Variants in ANKS1B observed in about 807,000 individuals in gnomAD.
The protein encoded by ANKS1B is ankyrin repeat and sterile alpha motif domain-containing protein 1B.
ANKS1B carries 36 observed loss-of-function variants against 148.3 expected under a neutral mutation model. The observed-to-expected ratio is 0.24, with a 90% confidence interval of 0.19 to 0.32. The LOEUF (loss-of-function observed/expected upper bound fraction) is 0.32, where lower values mean the gene tolerates loss of function less well. ANKS1B is among the 10% of genes least tolerant of loss of function. The pLI, the probability that ANKS1B is intolerant of heterozygous loss-of-function variation, is 1.00. For synonymous variants in ANKS1B, 542 were observed against 560.8 expected, an observed-to-expected ratio of 0.97 and a Z score of 0.47; for missense variants, 1,157 against 1,542.6, an observed-to-expected ratio of 0.75 and a Z score of 4.19.
chr12:98,794,492 T>G, intron 22 of ANKS1B: 2 of 468,466 alleles, frequency 4.3e-6, no homozygotes, highest in South Asian at 4.0e-5. Context: ...AACATGTGTA[T>G]CAAGAAGTGT....
intron 1 of ANKS1B, among the ~76,000 whole-genome samples, chr12:99,905,464 CCTT>C (rs1391171955): frequency 6.6e-6 from 1 of 152,212 alleles, no homozygotes; most frequent in Non-Finnish European, 1.5e-5. Context: ...TTCCTCACCT[CCTT>C]CTTCTCTTCC....
chr12:99,661,149 T>C (rs531156563), intron 8 of ANKS1B, among the ~76,000 whole-genome samples: 1 of 152,108 alleles, frequency 6.6e-6, no homozygotes. Flanking sequence ...CACAAACAAG[T>C]TTTATTGAGG....
At chr12:99,231,651 A>AT (rs907603458) in intron 14 of ANKS1B, among the ~76,000 whole-genome samples, 9 of 143,218 alleles carry the variant, frequency 6.3e-5, no homozygotes, top group Non-Finnish European at 1.4e-4. Flanking sequence ...TTGTAAATAC[A>AT]TTTAAAAAAA....
Position 98,744,086 on chromosome 12 carries a change from G to A in ANKS1B, c.*1653C>T. 1 of 984,782 alleles carries A rather than the reference G, an allele frequency of 1.0e-6. No homozygotes were observed. Among genetic ancestry groups the A allele is most frequent in the Non-Finnish European group, 1.2e-6 (1 of 829,076 alleles). The allele number at this position is 984,782 out of a possible 1,614,324, so 61.0% of individuals were successfully genotyped here. A position where few individuals can be genotyped will look rare whatever the true frequency, so the allele number is the denominator to read the frequency against. On this transcript the variant is annotated 3_prime_UTR_variant, in exon 27 of 27. Coordinates refer to ENST00000683438, the MANE Select transcript of ANKS1B (RefSeq NM_001352186.2). ...CAAGCTTATTTACACATATGCTTCT[G>A]TTTCAGCAAAGCTCCTATTAACTTT...
At chr12:99,627,021 T>A (rs761605911) in intron 9 of ANKS1B, among the ~76,000 whole-genome samples, 7 of 152,128 alleles carry the variant, frequency 4.6e-5, no homozygotes, top group South Asian at 2.1e-4. Flanking sequence ...TCCCTTATAA[T>A]CCCTGATAAT....
chr12:99,541,232 A>C (rs57675458), intron 9 of ANKS1B, among the ~76,000 whole-genome samples: 9,061 of 152,240 alleles, frequency 0.06, 377 homozygotes, highest in East Asian at 0.24. Flanking sequence ...TTCTTTAAAA[A>C]AAACAAACAA....
chr12:99,788,198 T>C (rs2065206698), intron 4 of ANKS1B, among the ~76,000 whole-genome samples: 1 of 152,166 alleles, frequency 6.6e-6, no homozygotes, highest in South Asian at 2.1e-4. Flanking sequence ...GCAGTGCAAG[T>C]GCAATTCACA....
chr12:98,822,267 C>A (rs2099202235), intron 19 of ANKS1B, among the ~76,000 whole-genome samples: 2 of 152,074 alleles, frequency 1.3e-5, no homozygotes, highest in South Asian at 2.1e-4. Context: ...TGTTAAAAAA[C>A]CTTCTTTTTA....
intron 10 of ANKS1B, among the ~76,000 whole-genome samples, chr12:99,487,770 T>C (rs1432073778): frequency 6.6e-6 from 1 of 152,204 alleles, no homozygotes; most frequent in East Asian, 1.9e-4. Flanking sequence ...CAGGGTTTTA[T>C]GTGTGCTTGA....
chr12:99,714,038 G>A (rs1295402224), intron 8 of ANKS1B, among the ~76,000 whole-genome samples: 3 of 152,176 alleles, frequency 2.0e-5, no homozygotes, highest in Admixed American at 2.0e-4. Flanking sequence ...TGACATTTAT[G>A]AGTCTTACAT....
rs564770787 is a variant in ANKS1B at position 99,303,248 on chromosome 12, A to T, written c.1757-56384T>A. Among the ~76,000 whole-genome samples the T allele has an allele frequency of 9.1e-4, 138 of 152,270 alleles. 3 individuals carry two copies. Among genetic ancestry groups the T allele is most frequent in the African/African-American group, 3.1e-3 (130 of 41,560 alleles). On this transcript the variant is annotated intron_variant, in intron 12 of 26. Coordinates refer to ENST00000683438, the MANE Select transcript of ANKS1B (RefSeq NM_001352186.2). ...CTTGCCTTACAAATCTAAATTTATA[A>T]ACACATCATAGATGAAATGCAAGTT...
At chr12:99,559,737 T>C (rs2097313350) in intron 9 of ANKS1B, among the ~76,000 whole-genome samples, 2 of 152,180 alleles carry the variant, frequency 1.3e-5, no homozygotes, top group East Asian at 1.9e-4. Context: ...AAAAGTCAGA[T>C]ATTTCTGCAA....
At chr12:99,960,274 G>T (rs574917433) in intron 1 of ANKS1B, among the ~76,000 whole-genome samples, 1 of 152,200 alleles carries the variant, frequency 6.6e-6, no homozygotes, top group Admixed American at 6.5e-5. Context: ...TTTTCTTCTG[G>T]GCTGTGACCA....
chr12:99,467,427 A>G (rs2152888164), intron 10 of ANKS1B, among the ~76,000 whole-genome samples: 1 of 152,310 alleles, frequency 6.6e-6, no homozygotes, highest in African/African-American at 2.4e-5. Flanking sequence ...TAGTGTTGGA[A>G]GTTCTGGCCA....
intron 12 of ANKS1B, among the ~76,000 whole-genome samples, chr12:99,277,399 C>G (rs771498084): frequency 6.6e-6 from 1 of 152,004 alleles, no homozygotes; most frequent in Non-Finnish European, 1.5e-5. Context: ...GGTGCCACAT[C>G]GAAAAATGGC....
At chr12:98,781,993 A>T in intron 23 of ANKS1B, 133 bp downstream of exon 23, 1 of 752,996 alleles carries the variant, frequency 1.3e-6, no homozygotes, top group Non-Finnish European at 2.2e-6. Context: ...ATCTGCAAAA[A>T]GTTTCTCTAT....
intron 10 of ANKS1B, among the ~76,000 whole-genome samples, chr12:99,476,508 T>C (rs552277979): frequency 2.8e-4 from 43 of 152,304 alleles, no homozygotes; most frequent in African/African-American, 8.2e-4. Flanking sequence ...ATAACTGTGA[T>C]CTATAAAGTG....
In ANKS1B at chr12:99,399,654, T is replaced by G; in HGVS notation, c.1733A>C (p.Lys578Thr). The G allele has an allele frequency of 1.9e-6, 3 of 1,613,342 alleles. No individual in the cohort carries two copies. The highest frequency in any genetic ancestry group is 1.7e-6 in the Non-Finnish European group (2 of 1,179,390). Residue 578 changes from lysine to threonine, a missense_variant, in exon 12 of 27, where the codon AAG becomes ACG. By Grantham distance (78) the Lys-to-Thr change is moderately conservative. Around this residue, in one of 6 missense-constraint regions of ANKS1B, gnomAD observed 661 missense variants for 642.1 expected, o/e 1.03. Coordinates refer to ENST00000683438, the MANE Select transcript of ANKS1B (RefSeq NM_001352186.2). ...ACCTGTATGGTTAGTTCCCTCATTC[T>G]TGACTTCTGTGGTTCCCACAGAAGA... is the stretch of plus-strand genomic sequence containing the variant. ...PTSSVGTTEV[K>T]NEGTNHTDDL...
chr12:99,437,265 T>C (rs533006950), intron 11 of ANKS1B, among the ~76,000 whole-genome samples: 2 of 152,056 alleles, frequency 1.3e-5, no homozygotes, highest in Non-Finnish European at 2.9e-5. Context: ...ATCCCATTCA[T>C]GAGAGCTCTG....
Sources: allele counts gnomAD v4.1 joint callset (sites outside exome capture counted in the v4.1 genomes callset), GRCh38; gene constraint gnomAD v4.1.1; regional missense constraint gnomAD v4.1.1; transcripts MANE v1.5; gene names NCBI Gene and HGNC (gene_info 2026-07-23, HGNC 2026-07-21).